MTX2: variants seen among roughly 807,000 people sequenced by gnomAD.
The protein encoded by MTX2 is metaxin-2.
Under a neutral mutation model 42.3 loss-of-function variants are expected in MTX2, and 35 were observed. That is an observed-to-expected ratio of 0.83 (90% CI 0.63 to 1.10). The LOEUF (loss-of-function observed/expected upper bound fraction) is 1.10. Ranked by LOEUF, MTX2 falls within the 50% of genes least tolerant of loss-of-function variation. The probability of loss-of-function intolerance (pLI) is 0.00; values close to 1 mark genes in which losing one functional copy is unlikely to be tolerated. For missense variants in MTX2, 307 were observed against 304.1 expected (o/e 1.01, Z -0.07); for synonymous variants, 119 against 100.9 (o/e 1.18, Z -1.08).
chr2:176,313,499 T>C (rs760341019), intron 3 of MTX2, among the ~76,000 whole-genome samples: 58 of 151,378 alleles, frequency 3.8e-4, no homozygotes, highest in Non-Finnish European at 7.4e-4. Context: ...CTCAAGTGAT[T>C]GTCCTGCCTC....
At chr2:176,321,573 G>C (rs1271703775) in intron 3 of MTX2, among the ~76,000 whole-genome samples, 1 of 152,100 alleles carries the variant, frequency 6.6e-6, no homozygotes, top group Non-Finnish European at 1.5e-5. Context: ...CTTTACTCTT[G>C]TTGCTCTACC....
chr2:176,322,927 A>G (rs1232262456), intron 3 of MTX2, among the ~76,000 whole-genome samples: 1 of 151,910 alleles, frequency 6.6e-6, no homozygotes, highest in Admixed American at 6.6e-5. Flanking sequence ...AATATAGGGT[A>G]TTACTGGAGA....
chr2:176,282,093 T>A (rs1284779996), intron 1 of MTX2, among the ~76,000 whole-genome samples: 1 of 148,314 alleles, frequency 6.7e-6, no homozygotes, highest in African/African-American at 2.5e-5. Flanking sequence ...TTCCTTAAAT[T>A]GGTTCAATGA....
At chr2:176,310,065 A>C (rs1575050675) in intron 3 of MTX2, among the ~76,000 whole-genome samples, 2 of 152,052 alleles carry the variant, frequency 1.3e-5, no homozygotes, top group African/African-American at 4.8e-5. Context: ...TTCCATGTTT[A>C]GTGCTTCCTT....
chr2:176,270,359 C>T (rs966262547), intron 1 of MTX2: 3 of 1,361,460 alleles, frequency 2.2e-6, no homozygotes, highest in Non-Finnish European at 2.9e-6. Context: ...ATTTTTAAAT[C>T]TGCATGTACT....
At chr2:176,317,076 T>C (rs1684464493) in intron 3 of MTX2, among the ~76,000 whole-genome samples, 1 of 151,930 alleles carries the variant, frequency 6.6e-6, no homozygotes, top group Non-Finnish European at 1.5e-5. Context: ...TTCAGAAGTT[T>C]CTGTTGCTTT....
In MTX2 at chr2:176,269,447, T is replaced by C; in HGVS notation, c.-183T>C. On this transcript the variant is annotated 5_prime_UTR_variant, in exon 1 of 10. Coordinates refer to ENST00000249442, the MANE Select transcript of MTX2 (RefSeq NM_006554.5). ...CGTTGTCGGCTGCGCCGGAAGTCCC[T>C]AGCCAGGCCTGGCGGTAACCTTGGG... is the stretch of plus-strand genomic sequence containing the variant. 1.6e-6 allele frequency: 1 copy of C among 626,348 alleles called. No homozygotes were observed. The highest frequency in any genetic ancestry group is 2.5e-5 in the South Asian group (1 of 40,588). 38.8% of individuals were successfully genotyped at this position (626,348 alleles called of 1,614,324 possible).
At chr2:176,304,215 T>C (rs547278725) in intron 3 of MTX2, 1 of 154,498 alleles carries the variant, frequency 6.5e-6, no homozygotes, top group African/African-American at 2.4e-5. Context: ...TCTTCATTTA[T>C]CTTCAAACCC....
intron 1 of MTX2, among the ~76,000 whole-genome samples, chr2:176,284,879 A>G (rs189475257): frequency 6.6e-6 from 1 of 152,316 alleles, no homozygotes; most frequent in East Asian, 1.9e-4. Flanking sequence ...TCTGCATCAG[A>G]TTTACCAGGA....
At chr2:176,281,410 ACATGTGGCTTCTT>A (rs1289191572) in intron 1 of MTX2, among the ~76,000 whole-genome samples, 3 of 152,194 alleles carry the variant, frequency 2.0e-5, no homozygotes, top group Non-Finnish European at 4.4e-5. Context: ...TGGAATACTT[ACATGTGGCTTCTT>A]CATGTGGCTT....
intron 1 of MTX2, among the ~76,000 whole-genome samples, chr2:176,270,900 C>T (rs528944885): frequency 6.6e-6 from 1 of 152,046 alleles, no homozygotes; most frequent in Non-Finnish European, 1.5e-5. Flanking sequence ...ATTATTTCTG[C>T]TTTTACCATT....
intron 1 of MTX2, among the ~76,000 whole-genome samples, chr2:176,276,059 G>A (rs1215464748): frequency 6.6e-6 from 1 of 152,192 alleles, no homozygotes; most frequent in East Asian, 1.9e-4. Flanking sequence ...TTTCTCATTT[G>A]TAAAATGGTG....
rs1284009392 is a variant in MTX2 at position 176,269,471 on chromosome 2, G to C, written c.-159G>C. The C allele has an allele frequency of 4.0e-6, 3 of 756,366 alleles. No homozygotes were observed. Among genetic ancestry groups the C allele is most frequent in the Non-Finnish European group, 6.0e-6 (3 of 500,232 alleles). 46.9% of individuals were successfully genotyped at this position (756,366 alleles called of 1,614,324 possible). On this transcript the variant is annotated 5_prime_UTR_variant, in exon 1 of 10. Transcript: ENST00000249442. ...CTAGCCAGGCCTGGCGGTAACCTTG[G>C]GGGCCTCACTGCAGCCGCCGCTGCT...
At chr2:176,286,684 G>A (rs377057972) in intron 1 of MTX2, among the ~76,000 whole-genome samples, 17 of 152,010 alleles carry the variant, frequency 1.1e-4, no homozygotes, top group East Asian at 3.9e-4. Flanking sequence ...CAAGTAGCTG[G>A]GATTACAGGT....
chr2:176,312,747 C>T (rs1412509052), intron 3 of MTX2, among the ~76,000 whole-genome samples: 1 of 151,158 alleles, frequency 6.6e-6, no homozygotes, highest in Non-Finnish European at 1.5e-5. Flanking sequence ...CCTGTAATCC[C>T]AGCTACTCGT....
intron 1 of MTX2, among the ~76,000 whole-genome samples, chr2:176,296,508 A>G (rs925731991): frequency 6.6e-6 from 1 of 152,196 alleles, no homozygotes; most frequent in African/African-American, 2.4e-5. Context: ...CTTTTTATAC[A>G]TATGAGTAAT....
chr2:176,318,878 G>A (rs1010776093), intron 3 of MTX2, among the ~76,000 whole-genome samples: 1 of 152,138 alleles, frequency 6.6e-6, no homozygotes, highest in Non-Finnish European at 1.5e-5. Flanking sequence ...AAATACAGTA[G>A]CCACTAGCCA....
At chr2:176,271,089 G>T (rs1467258615) in intron 1 of MTX2, among the ~76,000 whole-genome samples, 1 of 152,124 alleles carries the variant, frequency 6.6e-6, no homozygotes, top group Non-Finnish European at 1.5e-5. Flanking sequence ...TTTGGATACT[G>T]CTTTAAGTAG....
chr2:176,334,285 A>G (rs1381769769), intron 9 of MTX2, among the ~76,000 whole-genome samples: 1 of 151,834 alleles, frequency 6.6e-6, no homozygotes, highest in African/African-American at 2.4e-5. Flanking sequence ...GAATATATGC[A>G]CCTTTTTTAG....
Sources: gnomAD v4.1 joint callset for allele counts (sites outside exome capture counted in the v4.1 genomes callset) on GRCh38, gnomAD v4.1.1 for gene constraint, MANE v1.5 for transcripts, NCBI Gene and HGNC (gene_info 2026-07-23, HGNC 2026-07-21) for gene names.